Variants in MMP16 observed in about 807,000 individuals in gnomAD.
MMP16 encodes matrix metalloproteinase-16.
Under a neutral mutation model 67.8 loss-of-function variants are expected in MMP16, and 12 were observed. That is an observed-to-expected ratio of 0.18 (90% CI 0.11 to 0.29). The LOEUF (loss-of-function observed/expected upper bound fraction) is 0.29. Ranked by LOEUF, MMP16 falls within the 10% of genes least tolerant of loss-of-function variation. MMP16 has a pLI of 1.00. For synonymous variants in MMP16, 249 were observed against 255.9 expected, an observed-to-expected ratio of 0.97 and a Z score of 0.26; for missense variants, 475 against 765.7, an observed-to-expected ratio of 0.62 and a Z score of 4.48.
intron 6 of MMP16, among the ~76,000 whole-genome samples, chr8:88,093,433 C>A (rs549051345): frequency 6.6e-6 from 1 of 151,846 alleles, no homozygotes; most frequent in African/African-American, 2.4e-5. Context: ...TTCAGTGATT[C>A]CTTTTAAGCG....
At chr8:88,310,880 A>C (rs28907901) in intron 1 of MMP16, among the ~76,000 whole-genome samples, 3 of 152,164 alleles carry the variant, frequency 2.0e-5, no homozygotes, top group Non-Finnish European at 4.4e-5. Flanking sequence ...CAAAACTCAA[A>C]GGCACAAGGA....
chr8:88,242,615 TAC>T (rs1810050742), intron 1 of MMP16, among the ~76,000 whole-genome samples: 1 of 152,178 alleles, frequency 6.6e-6, no homozygotes, highest in Non-Finnish European at 1.5e-5. Flanking sequence ...CCAAGTAACT[TAC>T]ACTGAGTCAC....
intron 3 of MMP16, among the ~76,000 whole-genome samples, chr8:88,172,973 G>C (rs1563553295): frequency 6.6e-6 from 1 of 152,136 alleles, no homozygotes; most frequent in Non-Finnish European, 1.5e-5. Flanking sequence ...TAAAATTGAT[G>C]TCTTATCATT....
intron 1 of MMP16, among the ~76,000 whole-genome samples, chr8:88,258,867 G>T (rs1028373715): frequency 9.2e-5 from 14 of 152,140 alleles, no homozygotes; most frequent in African/African-American, 3.1e-4. Context: ...AAAATATTTG[G>T]TTGAGTTCTA....
intron 2 of MMP16, among the ~76,000 whole-genome samples, chr8:88,194,275 TA>T (rs1563558774): frequency 2.6e-5 from 4 of 152,108 alleles, no homozygotes; most frequent in Non-Finnish European, 5.9e-5. Flanking sequence ...GACAAGAGTC[TA>T]AAATTAGACA....
Position 88,041,012 on chromosome 8 carries a change from C to CAAAAAAAGAAAAAAAG in MMP16, c.*433_*448dup, listed in dbSNP as rs28988882. 2.7e-5 allele frequency: 4 copies of CAAAAAAAGAAAAAAAG among 147,176 alleles called. No individual in the cohort carries two copies. Among genetic ancestry groups the CAAAAAAAGAAAAAAAG allele is most frequent in the East Asian group, 2.0e-4 (1 of 5,064 alleles). 9.1% of individuals were successfully genotyped at this position (147,176 alleles called of 1,614,324 possible). On this transcript the variant is annotated 3_prime_UTR_variant, in exon 10 of 10. Transcript: ENST00000286614. This position sits in a 1 kb window ranked among gnomAD's most constrained non-coding sequence, Gnocchi z 6.0. ...ACTCTTTTTTCCCTTTGTTTTAAAG[C>CAAAAAAAGAAAAAAAG]AAAAAAAGAAAAAAAGAAAAAAAGA... is the stretch of plus-strand genomic sequence containing the variant.
At chr8:88,074,332 G>A (rs1453641913) in intron 7 of MMP16, among the ~76,000 whole-genome samples, 1 of 151,928 alleles carries the variant, frequency 6.6e-6, no homozygotes, top group East Asian at 1.9e-4. Context: ...TGCAGAAATG[G>A]CTATATATCT....
At chr8:88,283,426 T>C (rs549146953) in intron 1 of MMP16, among the ~76,000 whole-genome samples, 154 of 152,280 alleles carry the variant, frequency 1.0e-3, no homozygotes, top group African/African-American at 3.5e-3. Flanking sequence ...AGTTTCCTTA[T>C]ATAGAGTATA....
At chr8:88,273,122 C>T (rs1483283695) in intron 1 of MMP16, among the ~76,000 whole-genome samples, 3 of 151,258 alleles carry the variant, frequency 2.0e-5, no homozygotes, top group Admixed American at 6.6e-5. Context: ...CTTGCTCTGT[C>T]GCCCAGGCTG....
intron 1 of MMP16, among the ~76,000 whole-genome samples, chr8:88,220,245 G>C (rs1809660094): frequency 6.6e-6 from 1 of 151,968 alleles, no homozygotes; most frequent in Non-Finnish European, 1.5e-5. Flanking sequence ...TTATTTTATA[G>C]TTTATTTTTA....
At chr8:88,159,614 A>C (rs1264935216) in intron 4 of MMP16, among the ~76,000 whole-genome samples, 2 of 152,096 alleles carry the variant, frequency 1.3e-5, no homozygotes, top group Non-Finnish European at 2.9e-5. Context: ...CTAATTGAAT[A>C]CCCTTTATTT....
intron 1 of MMP16, among the ~76,000 whole-genome samples, chr8:88,294,659 A>G (rs1474847683): frequency 2.0e-5 from 3 of 152,224 alleles, no homozygotes; most frequent in Admixed American, 6.5e-5. Flanking sequence ...ATATAAACAC[A>G]TATATAACTA....
At chr8:88,065,655 C>T (rs888983670) in intron 7 of MMP16, among the ~76,000 whole-genome samples, 1 of 151,874 alleles carries the variant, frequency 6.6e-6, no homozygotes, top group African/African-American at 2.4e-5. Context: ...AATCATTGTA[C>T]TCACCTATTT....
At chr8:88,063,720 C>T (rs957281556) in intron 7 of MMP16, among the ~76,000 whole-genome samples, 8 of 152,088 alleles carry the variant, frequency 5.3e-5, no homozygotes, top group Middle Eastern at 3.4e-3. Flanking sequence ...TACTGCGGTC[C>T]AGGCCTCTTG....
intron 8 of MMP16, among the ~76,000 whole-genome samples, chr8:88,052,299 C>T (rs1037312711): frequency 1.3e-5 from 2 of 152,178 alleles, no homozygotes; most frequent in Non-Finnish European, 2.9e-5. Context: ...GTGCTATCTG[C>T]TTAATTACTT....
intron 7 of MMP16, among the ~76,000 whole-genome samples, chr8:88,060,961 A>G (rs1038824184): frequency 3.3e-5 from 5 of 152,032 alleles, no homozygotes; most frequent in Non-Finnish European, 7.4e-5. Flanking sequence ...TAGTACAGCA[A>G]GAAAGAAAAA....
At chr8:88,219,508 C>T (rs1809644679) in intron 1 of MMP16, among the ~76,000 whole-genome samples, 2 of 152,052 alleles carry the variant, frequency 1.3e-5, no homozygotes, top group African/African-American at 4.8e-5. Flanking sequence ...ACCATGTCCA[C>T]TGGAGAATGC....
chr8:88,090,452 T>C (rs893209458), intron 6 of MMP16, among the ~76,000 whole-genome samples: 1 of 151,958 alleles, frequency 6.6e-6, no homozygotes, highest in Non-Finnish European at 1.5e-5. Flanking sequence ...TTTTTAATGT[T>C]AGATATTTAT....
At chr8:88,295,201 GAC>G (rs1262512232) in intron 1 of MMP16, among the ~76,000 whole-genome samples, 3 of 152,128 alleles carry the variant, frequency 2.0e-5, no homozygotes, top group Non-Finnish European at 2.9e-5. Flanking sequence ...AGTTAACAAA[GAC>G]ACATATTACT....
Sources: gnomAD v4.1 joint callset for allele counts (sites outside exome capture counted in the v4.1 genomes callset) on GRCh38, gnomAD v4.1.1 for gene constraint, Gnocchi (gnomAD v3.1) non-coding constraint, MANE v1.5 for transcripts, NCBI Gene and HGNC (gene_info 2026-07-23, HGNC 2026-07-21) for gene names.